Variants in SKA3 observed in about 807,000 individuals in gnomAD.
SKA3 encodes the protein spindle and kinetochore associated complex subunit 3.
SKA3 carries 39 observed loss-of-function variants against 44.2 expected under a neutral mutation model. The ratio of observed to expected loss-of-function variants is 0.88; its 90% confidence interval spans 0.68 to 1.15. The LOEUF (loss-of-function observed/expected upper bound fraction) is 1.15, where lower values mean the gene tolerates loss of function less well. Ranked by LOEUF, SKA3 falls within the 50% of genes most tolerant of loss-of-function variation. The pLI is 0.00. For synonymous variants in SKA3, 192 were observed against 172.0 expected, an observed-to-expected ratio of 1.12 and a Z score of -0.91; for missense variants, 511 against 485.8, an observed-to-expected ratio of 1.05 and a Z score of -0.49.
chr13:21,169,295 G>C (rs1048016955), intron 3 of SKA3, among the ~76,000 whole-genome samples: 9 of 151,864 alleles, frequency 5.9e-5, no homozygotes, highest in Admixed American at 3.3e-4. Flanking sequence ...GGAGTGCAGT[G>C]GCAATCTCGG....
intron 4 of SKA3, among the ~76,000 whole-genome samples, chr13:21,163,559 C>T (rs768429799): frequency 1.3e-5 from 2 of 152,174 alleles, no homozygotes; most frequent in Non-Finnish European, 2.9e-5. Flanking sequence ...CTTATCAACA[C>T]TGAATATAAC....
intron 8 of SKA3, 82 bp downstream of exon 8, chr13:21,155,597 AGGTTTCACCATGTT>A: frequency 1.5e-6 from 1 of 652,534 alleles, no homozygotes; most frequent in East Asian, 3.9e-5. Flanking sequence ...AGTAGAGACG[AGGTTTCACCATGTT>A]GGTCAGGATG....
At chr13:21,163,106 C>G (rs79210053) in intron 4 of SKA3, among the ~76,000 whole-genome samples, 7,388 of 151,974 alleles carry the variant, frequency 0.049, 258 homozygotes, top group Non-Finnish European at 0.073. Flanking sequence ...GAAAACTCAA[C>G]AAACATTTTG....
At chr13:21,163,854 C>T (rs551446423) in intron 4 of SKA3, among the ~76,000 whole-genome samples, 7 of 152,294 alleles carry the variant, frequency 4.6e-5, no homozygotes, top group Admixed American at 2.6e-4. Context: ...ACCTCCATCT[C>T]CTGGGTTCAA....
intron 4 of SKA3, among the ~76,000 whole-genome samples, chr13:21,166,869 T>C (rs1371552648): frequency 3.9e-5 from 6 of 152,236 alleles, no homozygotes; most frequent in Non-Finnish European, 8.8e-5. Flanking sequence ...TGGATTAAAA[T>C]TTTATCTTTA....
intron 5 of SKA3, 35 bp from the exon 6 acceptor site, chr13:21,160,022 T>C (rs766949266): frequency 1.8e-6 from 2 of 1,104,396 alleles, no homozygotes; most frequent in South Asian, 2.0e-5. Context: ...TAAAAAACTA[T>C]AACTATAGTA....
chr13:21,167,593 C>T (rs530502362), intron 4 of SKA3, among the ~76,000 whole-genome samples: 47 of 152,004 alleles, frequency 3.1e-4, no homozygotes, highest in African/African-American at 1.1e-3. Flanking sequence ...GGTGAAACCC[C>T]GTCTGTACTA....
At chr13:21,174,623 C>T (rs570880843) in intron 1 of SKA3, among the ~76,000 whole-genome samples, 7 of 152,128 alleles carry the variant, frequency 4.6e-5, no homozygotes, top group African/African-American at 1.7e-4. Context: ...GGAGATATAC[C>T]TAATGTAAAT....
intron 4 of SKA3, among the ~76,000 whole-genome samples, chr13:21,164,787 G>A (rs1462070608): frequency 1.3e-5 from 2 of 151,394 alleles, no homozygotes; most frequent in African/African-American, 4.9e-5. Flanking sequence ...GCTATGTTGC[G>A]CAGGCTGGTT....
intron 4 of SKA3, among the ~76,000 whole-genome samples, chr13:21,164,715 C>CT (rs1870614575): frequency 1.3e-5 from 2 of 151,928 alleles, no homozygotes; most frequent in South Asian, 4.2e-4. Flanking sequence ...ATTTTTTGCC[C>CT]TTTATATGCT....
At chr13:21,171,789 T>C (rs1871068648) in intron 3 of SKA3, among the ~76,000 whole-genome samples, 1 of 152,198 alleles carries the variant, frequency 6.6e-6, no homozygotes, top group Non-Finnish European at 1.5e-5. Context: ...ACAAAGATAA[T>C]AATACAGCTA....
chr13:21,165,422 T>TA (rs912784547), intron 4 of SKA3, among the ~76,000 whole-genome samples: 4 of 149,666 alleles, frequency 2.7e-5, no homozygotes, highest in African/African-American at 1.0e-4. Flanking sequence ...AACCTGTCTC[T>TA]AAAAATAAAT....
intron 3 of SKA3, among the ~76,000 whole-genome samples, chr13:21,171,302 C>G (rs973217337): frequency 6.6e-6 from 1 of 152,150 alleles, no homozygotes; most frequent in Admixed American, 6.6e-5. Context: ...CTGGGCCAGG[C>G]GCTGTGGCTC....
intron 6 of SKA3, among the ~76,000 whole-genome samples, chr13:21,159,006 C>CT (rs942800369): frequency 1.2e-4 from 19 of 152,162 alleles, no homozygotes; most frequent in African/African-American, 4.6e-4. Flanking sequence ...TAACACAGCC[C>CT]TGTGTTCATC....
chr13:21,163,364 GCTTTTGAA>G (rs953418898), intron 4 of SKA3, among the ~76,000 whole-genome samples: 4 of 151,924 alleles, frequency 2.6e-5, no homozygotes, highest in African/African-American at 7.3e-5. Context: ...TAATTTTTGT[GCTTTTGAA>G]CTTTTGAACT....
chr13:21,172,082 A>T (rs1871085219), intron 3 of SKA3, among the ~76,000 whole-genome samples: 1 of 152,240 alleles, frequency 6.6e-6, no homozygotes, highest in South Asian at 2.1e-4. Flanking sequence ...TCTAGCCTAA[A>T]TGTGCTAAAT....
intron 5 of SKA3, 85 bp downstream of exon 5, chr13:21,161,705 G>T: frequency 1.4e-6 from 1 of 712,162 alleles, no homozygotes. Flanking sequence ...AAAACTATTA[G>T]AATGTCTAAG....
intron 5 of SKA3, among the ~76,000 whole-genome samples, chr13:21,161,192 C>A (rs951063108): frequency 1.3e-5 from 2 of 152,046 alleles, no homozygotes; most frequent in Non-Finnish European, 2.9e-5. Context: ...ATTGCTTGAG[C>A]CTGGGAAGTT....
chr13:21,164,056 G>A (rs376529864), intron 4 of SKA3, among the ~76,000 whole-genome samples: 2 of 151,766 alleles, frequency 1.3e-5, no homozygotes, highest in Non-Finnish European at 2.9e-5. Context: ...GAGCCACCAC[G>A]CCCGGCCTCT....
Sources: gnomAD v4.1 joint callset for allele counts (sites outside exome capture counted in the v4.1 genomes callset) on GRCh38, gnomAD v4.1.1 for gene constraint, MANE v1.5 for transcripts, NCBI Gene and HGNC (gene_info 2026-07-23, HGNC 2026-07-21) for gene names.